Variants in YIPF4 observed in about 807,000 individuals in gnomAD.
YIPF4 encodes the protein protein YIPF4.
In YIPF4, 18 loss-of-function variants were observed where a neutral mutation model predicts 29.4. The ratio of observed to expected loss-of-function variants is 0.61; its 90% CI spans 0.42 to 0.91. The LOEUF (loss-of-function observed/expected upper bound fraction) is 0.91, where lower values mean the gene tolerates loss of function less well. YIPF4 is among the 40% of genes least tolerant of loss of function. The probability of loss-of-function intolerance (pLI) is 0.00; values close to 1 mark genes in which losing one functional copy is unlikely to be tolerated. For missense variants in YIPF4, 279 were observed against 282.7 expected (o/e 0.99, Z 0.09); for synonymous variants, 115 against 104.7 (o/e 1.10, Z -0.60).
At chr2:32,286,765 C>G (rs752158183) in intron 1 of YIPF4, among the ~76,000 whole-genome samples, 1 of 152,038 alleles carries the variant, frequency 6.6e-6, no homozygotes, top group East Asian at 1.9e-4. Context: ...AGGATTGTCT[C>G]GATCTCTTGA....
At position 32,290,640 on chromosome 2, in the gene YIPF4, T is replaced by G; in HGVS notation, c.233+4T>G. On this transcript the variant is annotated splice_donor_region_variant and intron_variant, in intron 2 of 5. Transcript: ENST00000238831. ...CTGAAGATAACAAGCCACTCTTGTATGTAAAAATAATAATATATATTTTTT... is the reference window on the plus strand; with the variant it reads ...CTGAAGATAACAAGCCACTCTTGTAGGTAAAAATAATAATATATATTTTTT... 6.8e-7 allele frequency: 1 copy of G among 1,460,348 alleles called. No individual in the cohort carries two copies. Among genetic ancestry groups the G allele is most frequent in the Non-Finnish European group, 9.0e-7 (1 of 1,107,014 alleles). 90.5% of individuals were successfully genotyped at this position (1,460,348 alleles called of 1,614,324 possible). A position where few individuals can be genotyped will look rare whatever the true frequency, so the allele number is the denominator to read the frequency against.
In YIPF4 at chr2:32,278,252, GAAGGGCTATCACCCGGA is replaced by G. The variant is rs764108830; in HGVS notation, c.79+19_79+35del. The G allele has an allele frequency of 6.5e-7, 1 of 1,545,070 alleles. No individual in the cohort carries two copies. Among genetic ancestry groups the G allele is most frequent in the South Asian group, 1.2e-5 (1 of 83,292 alleles). On this transcript the variant is annotated intron_variant, in intron 1 of 5. Transcript: ENST00000238831. Reference sequence around the variant, plus strand: ...CGCGGAAGGTGAGGCTGAGCCCCTGGAAGGGCTATCACCCGGAGGAAGCCAGGGCCCGACGCCGTAGG... The same window carrying G: ...CGCGGAAGGTGAGGCTGAGCCCCTGGGGAAGCCAGGGCCCGACGCCGTAGG...
chr2:32,306,332 A>C lies in YIPF4; in HGVS notation c.*706A>C. 5 of 985,776 alleles carry C rather than the reference A, an allele frequency of 5.1e-6. No individual in the cohort carries two copies. Among genetic ancestry groups the C allele is most frequent in the Non-Finnish European group, 6.0e-6 (5 of 829,880 alleles). The allele number at this position is 985,776 out of a possible 1,614,324, so 61.1% of individuals were successfully genotyped here. On this transcript the variant is annotated 3_prime_UTR_variant, in exon 6 of 6. Transcript: ENST00000238831. ...GTATACTTTTCAAAACCATTTTTGA[A>C]TGTCCAAACATCTGATTTAAAGTTT... is the stretch of plus-strand genomic sequence containing the variant.
intron 4 of YIPF4, among the ~76,000 whole-genome samples, chr2:32,298,534 C>T (rs1042864606): frequency 6.6e-6 from 1 of 151,794 alleles, no homozygotes; most frequent in African/African-American, 2.4e-5. Flanking sequence ...GTAATTGCAG[C>T]CTTTTAGGGA....
chr2:32,302,122 CT>C (rs1447997690), intron 5 of YIPF4, among the ~76,000 whole-genome samples: 1 of 151,720 alleles, frequency 6.6e-6, no homozygotes, highest in Non-Finnish European at 1.5e-5. Flanking sequence ...CCTCTGCCTC[CT>C]GGGTTCAAGC....
rs2031602397 is a variant in YIPF4 at position 32,307,022 on chromosome 2, T to C, written c.*1396T>C. 1 of 952,176 alleles carries C rather than the reference T, an allele frequency of 1.1e-6. No individual in the cohort carries two copies. Among genetic ancestry groups the C allele is most frequent in the Non-Finnish European group, 1.4e-6 (1 of 708,176 alleles). The allele number at this position is 952,176 out of a possible 1,614,324, so 59.0% of individuals were successfully genotyped here. The stretch of plus-strand genomic sequence containing the variant: ...CCAAAAGGAAAGAAAGAAAAACTTA[T>C]TTTAAGCTGCAGAAAAAGTGTGGAG... On this transcript the variant is annotated 3_prime_UTR_variant, in exon 6 of 6. Transcript: ENST00000238831.
chr2:32,293,068 TTTTATTTA>T (rs879326951), intron 3 of YIPF4, among the ~76,000 whole-genome samples: 33 of 147,296 alleles, frequency 2.2e-4, no homozygotes, highest in Non-Finnish European at 4.5e-5. Flanking sequence ...ATTTTTTTAT[TTTTATTTA>T]TTTATTTATT....
chr2:32,292,450 A>G, intron 3 of YIPF4, 102 bp downstream of exon 3: 1 of 914,166 alleles, frequency 1.1e-6, no homozygotes, highest in Non-Finnish European at 1.5e-6. Context: ...TGTTTGAGAA[A>G]TGCTTTACCC....
chr2:32,309,681 C>CTTTTTTTTTTTTTTTTTTTTTTTTTTTTT lies in YIPF4; in HGVS notation c.*4080_*4081insTTTTTTTTTTTTTTTTTTTTTTTTTTTTT, dbSNP rs200229465. ...TTTTAGGCTTTAGGGAATTGTGACC[C>CTTTTTTTTTTTTTTTTTTTTTTTTTTTTT]TTTTTTTTTTTTTTTTTTTTTTTTT... On this transcript the variant is annotated 3_prime_UTR_variant, in exon 6 of 6. Transcript: ENST00000238831. 1 of 116,268 alleles carries CTTTTTTTTTTTTTTTTTTTTTTTTTTTTT rather than the reference C, an allele frequency of 8.6e-6. No individual in the cohort carries two copies. The highest frequency in any genetic ancestry group is 1.7e-5 in the Non-Finnish European group (1 of 58,380). The allele number at this position is 116,268 out of a possible 1,614,324, so 7.2% of individuals were successfully genotyped here.
At chr2:32,300,342 A>G (rs1369567068) in intron 4 of YIPF4, among the ~76,000 whole-genome samples, 1 of 146,260 alleles carries the variant, frequency 6.8e-6, no homozygotes, top group Non-Finnish European at 1.5e-5. Context: ...GCCGAGGCAG[A>G]AGAATCTCTT....
rs1385814561 is a variant in YIPF4, at chr2:32,307,039, A to T, written c.*1413A>T. ...AAAACTTATTTTAAGCTGCAGAAAA[A>T]GTGTGGAGCACTTTTGAGCTAGAAT... On this transcript the variant is annotated 3_prime_UTR_variant, in exon 6 of 6. Transcript: ENST00000238831. The T allele has an allele frequency of 6.4e-6, 7 of 1,086,538 alleles. No individual in the cohort carries two copies. Among genetic ancestry groups the T allele is most frequent in the African/African-American group, 1.7e-5 (1 of 58,584 alleles). 67.3% of individuals were successfully genotyped at this position (1,086,538 alleles called of 1,614,324 possible). A position where few individuals can be genotyped will look rare whatever the true frequency, so the allele number is the denominator to read the frequency against.
intron 1 of YIPF4, among the ~76,000 whole-genome samples, chr2:32,285,658 T>G (rs907518975): frequency 6.9e-6 from 1 of 145,906 alleles, no homozygotes; most frequent in Admixed American, 6.9e-5. Flanking sequence ...AGTTTTTCCT[T>G]TTTTTTTTTT....
chr2:32,311,920 G>T lies in YIPF4; in HGVS notation c.*6294G>T, dbSNP rs986602689. On this transcript the variant is annotated 3_prime_UTR_variant, in exon 6 of 6. Coordinates refer to ENST00000238831, the MANE Select transcript of YIPF4 (RefSeq NM_032312.4). ...AATAAGCACTTGTTGAAGAATAAAT[G>T]ATTAAGTTCAATATTTTTGCTCTAT... The T allele has an allele frequency of 6.6e-6, 1 of 152,148 alleles. No homozygotes were observed. Among genetic ancestry groups the T allele is most frequent in the African/African-American group, 2.4e-5 (1 of 41,428 alleles). 9.4% of individuals were successfully genotyped at this position (152,148 alleles called of 1,614,324 possible). A position where few individuals can be genotyped will look rare whatever the true frequency, so the allele number is the denominator to read the frequency against.
At chr2:32,278,549 A>G (rs1010856507) in intron 1 of YIPF4, among the ~76,000 whole-genome samples, 8 of 152,122 alleles carry the variant, frequency 5.3e-5, no homozygotes, top group African/African-American at 1.9e-4. Flanking sequence ...TAGTTCTGGA[A>G]TTACTCGCCC....
chr2:32,298,419 G>T, intron 4 of YIPF4, 108 bp downstream of exon 4: 1 of 760,994 alleles, frequency 1.3e-6, no homozygotes, highest in Non-Finnish European at 2.2e-6. Flanking sequence ...TCCCAGAATT[G>T]CTTTATGCTA....
intron 5 of YIPF4, among the ~76,000 whole-genome samples, chr2:32,304,962 AACTTAATAAATATTAAG>A (rs1223438587): frequency 2.0e-5 from 3 of 152,106 alleles, no homozygotes; most frequent in South Asian, 2.1e-4. Context: ...CCTGGGAAAA[AACTTAATAAATATTAAG>A]ACTTAATAAA....
At chr2:32,288,924 A>G (rs896053746) in intron 1 of YIPF4, among the ~76,000 whole-genome samples, 2 of 151,962 alleles carry the variant, frequency 1.3e-5, no homozygotes, top group Non-Finnish European at 2.9e-5. Context: ...CCGAGATGAC[A>G]CCACTGCACT....
At chr2:32,291,506 C>T (rs764866750) in intron 2 of YIPF4, among the ~76,000 whole-genome samples, 1 of 152,058 alleles carries the variant, frequency 6.6e-6, no homozygotes, top group African/African-American at 2.4e-5. Context: ...ATTGCCCCAC[C>T]GCACTCCAGC....
chr2:32,306,693 T>C lies in YIPF4; in HGVS notation c.*1067T>C. ...TTAAGAAATTTTTATCAGTGAAATA[T>C]TTGTTGCAAATAATTTCATAGGTTT... On this transcript the variant is annotated 3_prime_UTR_variant, in exon 6 of 6. Coordinates refer to ENST00000238831, the MANE Select transcript of YIPF4 (RefSeq NM_032312.4). The C allele has an allele frequency of 2.7e-6, 2 of 746,180 alleles. No individual in the cohort carries two copies. The highest frequency in any genetic ancestry group is 3.3e-6 in the Non-Finnish European group (2 of 611,648). The allele number at this position is 746,180 out of a possible 1,614,324, so 46.2% of individuals were successfully genotyped here. A position where few individuals can be genotyped will look rare whatever the true frequency, so the allele number is the denominator to read the frequency against.
Sources: gnomAD v4.1 joint callset for allele counts (sites outside exome capture counted in the v4.1 genomes callset) on GRCh38, gnomAD v4.1.1 for gene constraint, MANE v1.5 for transcripts, NCBI Gene and HGNC (gene_info 2026-07-23, HGNC 2026-07-21) for gene names.